The following FHIT variants were observed in gnomAD, a reference collection of about 807,000 sequenced individuals.
FHIT encodes bis(5'-adenosyl)-triphosphatase.
A neutral mutation model predicts 17.9 loss-of-function variants in FHIT; 19 were observed. The ratio of observed to expected loss-of-function variants is 1.06; its 90% CI spans 0.74 to 1.56. The LOEUF is 1.56. Among genes scored for constraint, FHIT ranks in the 40% most tolerant of loss-of-function variants. FHIT has a pLI of 0.00. For synonymous variants in FHIT, 81 were observed against 69.7 expected (o/e 1.16, Z -0.81); for missense variants, 248 against 189.2 (o/e 1.31, Z -1.82).
chr3:60,393,535 G>C (rs1701315846), intron 5 of FHIT, among the ~76,000 whole-genome samples: 1 of 151,774 alleles, frequency 6.6e-6, no homozygotes, highest in Non-Finnish European at 1.5e-5. Context: ...AGTGGCTTAG[G>C]AAAAGCTGAC....
intron 5 of FHIT, among the ~76,000 whole-genome samples, chr3:60,432,460 A>C (rs980840830): frequency 6.6e-6 from 1 of 152,142 alleles, no homozygotes; most frequent in Non-Finnish European, 1.5e-5. Flanking sequence ...ATATACTGAT[A>C]GTGATAAAAA....
intron 5 of FHIT, among the ~76,000 whole-genome samples, chr3:60,206,065 G>A (rs145040756): frequency 0.29 from 43,476 of 149,350 alleles, 6,610 homozygotes; most frequent in African/African-American, 0.36. Flanking sequence ...CCCGGGAGGC[G>A]GAGCTTGCAG....
At chr3:60,026,326 AAAAT>A (rs1700740141) in intron 5 of FHIT, among the ~76,000 whole-genome samples, 1 of 152,014 alleles carries the variant, frequency 6.6e-6, no homozygotes, top group Non-Finnish European at 1.5e-5. Context: ...AGAAAAAAAA[AAAAT>A]AGTCAATGGA....
chr3:60,441,756 A>T lies in FHIT; in HGVS notation c.103+95104T>A, dbSNP rs1474637402. On this transcript the variant is annotated intron_variant, in intron 5 of 9. Coordinates refer to ENST00000492590, the MANE Select transcript of FHIT (RefSeq NM_002012.4). ...TATATATATATATTTATATATATAA[A>T]AATATATATATATTTATATGTATAA... Among the ~76,000 whole-genome samples the T allele has an allele frequency of 5.7e-3, 332 of 58,124 alleles. 14 individuals carry two copies. The highest frequency in any genetic ancestry group is 9.4e-3 in the Middle Eastern group (1 of 106). 38.1% of individuals were successfully genotyped at this position (58,124 alleles called of 152,430 possible).
rs73095305 is a variant in FHIT, at chr3:60,601,460, G to A, written c.-17-64481C>T. Among the ~76,000 whole-genome samples, 244 of 152,270 alleles carry A rather than the reference G, an allele frequency of 1.6e-3. 2 individuals carry two copies. Among genetic ancestry groups the A allele is most frequent in the Non-Finnish European group, 2.4e-3 (162 of 68,018 alleles). The stretch of plus-strand genomic sequence containing the variant: ...TCATCTTTAGAAAAGTATGTAAAAA[G>A]CAGCAGCTAGCCCTCAAACCATAGC... On this transcript the variant is annotated intron_variant, in intron 4 of 9. Coordinates refer to ENST00000492590, the MANE Select transcript of FHIT (RefSeq NM_002012.4).
chr3:60,246,269 G>C (rs143865886), intron 5 of FHIT, among the ~76,000 whole-genome samples: 1 of 152,176 alleles, frequency 6.6e-6, no homozygotes, highest in East Asian at 1.9e-4. Flanking sequence ...AATATATATA[G>C]AGAGTTATCT....
intron 5 of FHIT, among the ~76,000 whole-genome samples, chr3:60,499,717 T>C (rs2034447605): frequency 6.6e-6 from 1 of 152,110 alleles, no homozygotes; most frequent in Non-Finnish European, 1.5e-5. Context: ...CATGCAAACT[T>C]GTTTCTGCCC....
chr3:60,375,399 T>C (rs1416325664), intron 5 of FHIT, among the ~76,000 whole-genome samples: 4 of 113,582 alleles, frequency 3.5e-5, no homozygotes, highest in South Asian at 6.3e-4. Context: ...AAAAACCCCA[T>C]CTCTACTTTA....
In FHIT at chr3:60,522,807, T is replaced by C. The variant is rs1206816507; in HGVS notation, c.103+14053A>G. Among the ~76,000 whole-genome samples, 9 of 152,214 alleles carry C rather than the reference T, an allele frequency of 5.9e-5. No homozygotes were observed. The East Asian group carries it at 1.7e-3, about 29-fold the overall frequency. Reference sequence around the variant, plus strand: ...ATTTTTACCTCAAGAATTGATGCTCTTTCCTTATTTAGGTTGGTGATAGAA... The same window carrying C: ...ATTTTTACCTCAAGAATTGATGCTCCTTCCTTATTTAGGTTGGTGATAGAA... On this transcript the variant is annotated intron_variant, in intron 5 of 9. Coordinates refer to ENST00000492590, the MANE Select transcript of FHIT (RefSeq NM_002012.4).
chr3:61,009,705 A>AT (rs2031679690), intron 3 of FHIT, among the ~76,000 whole-genome samples: 1 of 152,010 alleles, frequency 6.6e-6, no homozygotes, highest in African/African-American at 2.4e-5. Flanking sequence ...TCTATCCAAG[A>AT]TTAACGATTA....
At chr3:60,618,006 T>C (rs1389799820) in intron 4 of FHIT, 1 of 243,580 alleles carries the variant, frequency 4.1e-6, no homozygotes, top group Non-Finnish European at 8.3e-6. Flanking sequence ...TGGCTGTAAC[T>C]TGAGGACATC....
chr3:60,099,027 C>G (rs1704082774), intron 5 of FHIT, among the ~76,000 whole-genome samples: 1 of 152,148 alleles, frequency 6.6e-6, no homozygotes, highest in South Asian at 2.1e-4. Flanking sequence ...TTAGATTTGA[C>G]TGTTGACCAC....
intron 4 of FHIT, among the ~76,000 whole-genome samples, chr3:60,788,669 T>G (rs1273828514): frequency 6.6e-6 from 1 of 152,104 alleles, no homozygotes; most frequent in Non-Finnish European, 1.5e-5. Flanking sequence ...GTGTTGACAT[T>G]CACAGTATAG....
intron 7 of FHIT, among the ~76,000 whole-genome samples, chr3:60,005,549 C>G (rs180891824): frequency 2.0e-5 from 3 of 152,242 alleles, no homozygotes; most frequent in Admixed American, 2.0e-4. Context: ...ACATGTACAC[C>G]CAAACCCATC....
At chr3:61,113,538 G>C (rs1013187529) in intron 2 of FHIT, among the ~76,000 whole-genome samples, 4 of 152,102 alleles carry the variant, frequency 2.6e-5, no homozygotes, top group African/African-American at 7.2e-5. Context: ...ACCATGCTGA[G>C]AGCTTTGTTC....
At chr3:60,147,487 C>T (rs568603335) in intron 5 of FHIT, among the ~76,000 whole-genome samples, 8 of 152,242 alleles carry the variant, frequency 5.3e-5, no homozygotes, top group Admixed American at 1.3e-4. Flanking sequence ...CCTCCGCCAC[C>T]GTGGGTGTCA....
At chr3:59,769,665 C>T (rs183785380) in intron 8 of FHIT, among the ~76,000 whole-genome samples, 18 of 151,934 alleles carry the variant, frequency 1.2e-4, no homozygotes, top group Admixed American at 2.6e-4. Context: ...ACACACGGAA[C>T]GGCAGACTTT....
intron 5 of FHIT, among the ~76,000 whole-genome samples, chr3:60,123,200 T>C (rs1282736031): frequency 1.3e-5 from 2 of 152,220 alleles, no homozygotes; most frequent in Non-Finnish European, 2.9e-5. Flanking sequence ...CTTGTTCATT[T>C]CATAAATCTT....
intron 5 of FHIT, among the ~76,000 whole-genome samples, chr3:60,322,570 G>A (rs527873091): frequency 6.6e-6 from 1 of 152,240 alleles, no homozygotes; most frequent in South Asian, 2.1e-4. Flanking sequence ...CACCGGACAA[G>A]AAAAACAAGA....
Sources: allele counts gnomAD v4.1 joint callset (sites outside exome capture counted in the v4.1 genomes callset), GRCh38; gene constraint gnomAD v4.1.1; transcripts MANE v1.5; gene names NCBI Gene and HGNC (gene_info 2026-07-23, HGNC 2026-07-21).